The following SGMS1 variants were observed in gnomAD, a reference collection of about 807,000 sequenced individuals.
SGMS1 encodes the protein sphingomyelin synthase 1, also known as phosphatidylcholine:ceramide cholinephosphotransferase 1.
Under a neutral mutation model 46.2 loss-of-function variants are expected in SGMS1, and 13 were observed. That is an observed-to-expected ratio of 0.28 (90% confidence interval 0.18 to 0.45). The LOEUF (loss-of-function observed/expected upper bound fraction) is 0.45. Among genes scored for constraint, SGMS1 ranks in the 20% least tolerant of loss-of-function variants. The pLI is 1.00. For missense variants in SGMS1, 324 were observed against 519.9 expected (o/e 0.62, Z 3.66); for synonymous variants, 203 against 187.8 (o/e 1.08, Z -0.66).
intron 6 of SGMS1, among the ~76,000 whole-genome samples, chr10:50,411,984 GT>G (rs1167695511): frequency 6.6e-6 from 1 of 152,188 alleles, no homozygotes; most frequent in Non-Finnish European, 1.5e-5. Flanking sequence ...TGAGAAGTAT[GT>G]TTTCATCTGT....
At chr10:50,417,291 A>G (rs1002240868) in intron 6 of SGMS1, among the ~76,000 whole-genome samples, 1 of 152,210 alleles carries the variant, frequency 6.6e-6, no homozygotes, top group Non-Finnish European at 1.5e-5. Flanking sequence ...TTATTTCTAC[A>G]TAAATTTAAA....
At chr10:50,358,852 G>A (rs1848199761) in intron 6 of SGMS1, among the ~76,000 whole-genome samples, 1 of 152,196 alleles carries the variant, frequency 6.6e-6, no homozygotes, top group Non-Finnish European at 1.5e-5. Flanking sequence ...CATTTGAAGA[G>A]TTAAATAGAA....
At chr10:50,624,193 G>T, upstream of SGMS1, 1 of 893,968 alleles carries the variant, frequency 1.1e-6, no homozygotes, top group Non-Finnish European at 1.3e-6. Context: ...AGCGTTTTTA[G>T]GGGCCCACTA....
intron 5 of SGMS1, among the ~76,000 whole-genome samples, chr10:50,448,534 C>T (rs1037124584): frequency 5.3e-5 from 8 of 152,074 alleles, no homozygotes; most frequent in African/African-American, 1.7e-4. Context: ...CACCTGAGGT[C>T]GGGAGTTCGA....
intron 5 of SGMS1, among the ~76,000 whole-genome samples, chr10:50,457,575 A>G (rs956230242): frequency 6.6e-6 from 1 of 150,992 alleles, no homozygotes; most frequent in Admixed American, 6.6e-5. Flanking sequence ...TGCCTCCCCC[A>G]CCCTCTCTCT....
intron 5 of SGMS1, among the ~76,000 whole-genome samples, chr10:50,454,050 C>CAAAAAAAAAAAAAAAAA (rs71846628): frequency 3.1e-5 from 3 of 97,988 alleles, no homozygotes; most frequent in African/African-American, 7.6e-5. Flanking sequence ...TTTACATAGG[C>CAAAAAAAAAAAAAAAAA]AAAAAAAAAA....
At chr10:50,546,672 T>G (rs55820769) in intron 2 of SGMS1, among the ~76,000 whole-genome samples, 24 of 152,050 alleles carry the variant, frequency 1.6e-4, no homozygotes, top group Non-Finnish European at 2.5e-4. Context: ...ATTTGAACAA[T>G]GAGAACACTT....
At chr10:50,522,419 G>A (rs1236215859) in intron 2 of SGMS1, among the ~76,000 whole-genome samples, 1 of 152,084 alleles carries the variant, frequency 6.6e-6, no homozygotes, top group Non-Finnish European at 1.5e-5. Flanking sequence ...TCCTTTCCAA[G>A]GAGAATGCTG....
chr10:50,624,530 C>T, upstream of SGMS1: 1 of 941,582 alleles, frequency 1.1e-6, no homozygotes, highest in Non-Finnish European at 1.3e-6. Flanking sequence ...GGGAGCGCGA[C>T]GGAGGCGCAA....
chr10:50,346,009 A>C (rs559309659), intron 6 of SGMS1, among the ~76,000 whole-genome samples: 1 of 152,358 alleles, frequency 6.6e-6, no homozygotes, highest in East Asian at 1.9e-4. Flanking sequence ...AAAAGTTAAA[A>C]ATAAAAGACC....
At chr10:50,496,627 G>GC (rs1164799831) in intron 3 of SGMS1, among the ~76,000 whole-genome samples, 1 of 152,140 alleles carries the variant, frequency 6.6e-6, no homozygotes, top group African/African-American at 2.4e-5. Context: ...CTGCCTAATG[G>GC]CTCCCAGATC....
chr10:50,419,745 G>GAAAAAAA (rs145349259), intron 6 of SGMS1, among the ~76,000 whole-genome samples: 1 of 152,090 alleles, frequency 6.6e-6, no homozygotes, highest in East Asian at 1.9e-4. Flanking sequence ...TAGATGGGAA[G>GAAAAAAA]AAAAAAATGT....
chr10:50,403,427 G>T (rs1848968796), intron 6 of SGMS1, among the ~76,000 whole-genome samples: 1 of 152,096 alleles, frequency 6.6e-6, no homozygotes, highest in Non-Finnish European at 1.5e-5. Context: ...CATTTGTCAG[G>T]CATGCATATA....
At chr10:50,397,087 T>A (rs1248438640) in intron 6 of SGMS1, among the ~76,000 whole-genome samples, 2 of 152,258 alleles carry the variant, frequency 1.3e-5, no homozygotes, top group African/African-American at 4.8e-5. Flanking sequence ...TCTCTTTGCA[T>A]GAGTACTCCC....
chr10:50,609,521 G>T (rs369381781), intron 1 of SGMS1, among the ~76,000 whole-genome samples: 58 of 117,016 alleles, frequency 5.0e-4, no homozygotes, highest in East Asian at 2.0e-3. Flanking sequence ...CTTCTCAATA[G>T]TTTTTTTTTT....
chr10:50,353,429 G>A (rs1338730137), intron 6 of SGMS1, among the ~76,000 whole-genome samples: 15 of 152,282 alleles, frequency 9.9e-5, no homozygotes. Context: ...GGTATTGATG[G>A]GATGTATCTC....
intron 3 of SGMS1, among the ~76,000 whole-genome samples, chr10:50,499,477 A>G (rs1255480907): frequency 6.6e-6 from 1 of 152,192 alleles, no homozygotes; most frequent in Non-Finnish European, 1.5e-5. Context: ...TGAAATATAC[A>G]TATCCTTTCC....
At chr10:50,436,702 C>A (rs1047173833) in intron 5 of SGMS1, among the ~76,000 whole-genome samples, 95 of 152,156 alleles carry the variant, frequency 6.2e-4, no homozygotes, top group African/African-American at 2.1e-3. Context: ...GAGCCTGCTA[C>A]CCCTGGGTGG....
chr10:50,353,452 G>A (rs1848062717), intron 6 of SGMS1, among the ~76,000 whole-genome samples: 1 of 152,286 alleles, frequency 6.6e-6, no homozygotes, highest in Admixed American at 6.5e-5. Context: ...AATAATAAGA[G>A]CTATCTATGA....
Sources: gnomAD v4.1 joint callset for allele counts (sites outside exome capture counted in the v4.1 genomes callset) on GRCh38, gnomAD v4.1.1 for gene constraint, MANE v1.5 for transcripts, NCBI Gene and HGNC (gene_info 2026-07-23, HGNC 2026-07-21) for gene names.